ODAD2: variants seen among roughly 807,000 people sequenced by gnomAD.
The protein encoded by ODAD2 is outer dynein arm-docking complex subunit 2.
In ODAD2, 89 loss-of-function variants were observed where a neutral mutation model predicts 106.8. The ratio of observed to expected loss-of-function variants is 0.83; its 90% confidence interval spans 0.70 to 0.99. ODAD2 has a LOEUF of 0.99. ODAD2 is among the 50% of genes least tolerant of loss of function. The pLI is 0.00. For synonymous variants in ODAD2, 404 were observed against 436.2 expected (o/e 0.93, Z 0.92); for missense variants, 1,168 against 1,238.5 (o/e 0.94, Z 0.85).
At chr10:27,946,010 G>GTATATA (rs10684689) in intron 10 of ODAD2, among the ~76,000 whole-genome samples, 2 of 149,254 alleles carry the variant, frequency 1.3e-5, no homozygotes, top group African/African-American at 4.9e-5. Flanking sequence ...TATCTATTGT[G>GTATATA]TATATATATA....
At position 27,872,306 on chromosome 10, in the gene ODAD2, G is replaced by A. The variant is rs1333483186; in HGVS notation, c.2611-9684C>T. The stretch of plus-strand genomic sequence containing the variant: ...CACAATCATGTCATCTGCAAACAGG[G>A]ACAATTTGACTTCCTCTTTTCCTAA... On this transcript the variant is annotated intron_variant, in intron 17 of 19. Coordinates refer to ENST00000305242, the MANE Select transcript of ODAD2 (RefSeq NM_018076.5). 2.6e-5 allele frequency among the ~76,000 whole-genome samples: 4 copies of A among 151,920 alleles called. No individual in the cohort carries two copies. In the East Asian group the frequency reaches 7.7e-4, roughly 29 times the overall value.
chr10:27,999,486 G>T (rs1208362643), upstream of ODAD2, among the ~76,000 whole-genome samples: 6 of 152,102 alleles, frequency 3.9e-5, no homozygotes, highest in Admixed American at 3.9e-4. Flanking sequence ...GATACTCACC[G>T]GGAAAGCAGA....
chr10:27,866,950 C>A (rs953566533), intron 17 of ODAD2, among the ~76,000 whole-genome samples: 5 of 152,072 alleles, frequency 3.3e-5, no homozygotes, highest in Non-Finnish European at 7.3e-5. Context: ...TAGTCTCATA[C>A]ATTTGTCAAT....
intron 17 of ODAD2, among the ~76,000 whole-genome samples, chr10:27,899,421 T>C (rs567071021): frequency 1.3e-4 from 19 of 151,420 alleles, no homozygotes; most frequent in African/African-American, 4.4e-4. Context: ...TGCAGGAGTG[T>C]TTTTTTCATA....
At chr10:27,952,341 T>A (rs1847403792) in intron 10 of ODAD2, among the ~76,000 whole-genome samples, 2 of 151,890 alleles carry the variant, frequency 1.3e-5, no homozygotes, top group African/African-American at 4.8e-5. Flanking sequence ...TACACATCGA[T>A]GAGAATTTAC....
At chr10:27,979,626 T>C (rs1353659091) in intron 7 of ODAD2, among the ~76,000 whole-genome samples, 3 of 151,940 alleles carry the variant, frequency 2.0e-5, no homozygotes, top group Non-Finnish European at 2.9e-5. Flanking sequence ...TACAGTAGCA[T>C]CAAAAATAAT....
At chr10:27,963,229 G>A (rs550873565) in intron 9 of ODAD2, among the ~76,000 whole-genome samples, 2 of 152,002 alleles carry the variant, frequency 1.3e-5, no homozygotes, top group South Asian at 2.1e-4. Flanking sequence ...GGCTGGTCTC[G>A]AACTCTTGAC....
intron 19 of ODAD2, among the ~76,000 whole-genome samples, chr10:27,819,714 C>T (rs1406358665): frequency 6.6e-6 from 1 of 151,272 alleles, no homozygotes; most frequent in Non-Finnish European, 1.5e-5. Context: ...CTGCAGTGAG[C>T]TATGATTGCG....
chr10:27,973,768 C>T lies in ODAD2; in HGVS notation c.937-2455G>A, dbSNP rs144218843. 4.4e-3 allele frequency among the ~76,000 whole-genome samples: 671 copies of T among 151,992 alleles called. 7 individuals are homozygous for T. The highest frequency in any genetic ancestry group is 0.015 in the African/African-American group (636 of 41,482). ...ACATATGTGTGCATGTGTCTTTATG[C>T]GATGATTTATATTTCTCTGGGTATA... On this transcript the variant is annotated intron_variant, in intron 7 of 19. Transcript: ENST00000305242.
At chr10:27,814,427 T>C (rs1835970373) in intron 19 of ODAD2, among the ~76,000 whole-genome samples, 1 of 152,176 alleles carries the variant, frequency 6.6e-6, no homozygotes, top group Non-Finnish European at 1.5e-5. Flanking sequence ...TATATGAGAA[T>C]ATCTTGTTCA....
At chr10:27,964,794 A>T (rs1197756068) in intron 9 of ODAD2, among the ~76,000 whole-genome samples, 1 of 152,126 alleles carries the variant, frequency 6.6e-6, no homozygotes, top group African/African-American at 2.4e-5. Context: ...GTTTTCTTGT[A>T]GTGTCTTAGT....
intron 17 of ODAD2, among the ~76,000 whole-genome samples, chr10:27,892,636 C>T (rs1313112081): frequency 3.3e-5 from 5 of 152,146 alleles, no homozygotes; most frequent in Admixed American, 2.0e-4. Flanking sequence ...ACTAGTCTAC[C>T]AACAAAAAGG....
At chr10:27,886,080 A>G (rs1453236318) in intron 17 of ODAD2, among the ~76,000 whole-genome samples, 2 of 150,524 alleles carry the variant, frequency 1.3e-5, no homozygotes, top group Non-Finnish European at 3.0e-5. Flanking sequence ...ACAAACAAAA[A>G]GAATGTGAGA....
At chr10:27,930,172 T>C (rs1006293796) in intron 16 of ODAD2, among the ~76,000 whole-genome samples, 1 of 152,134 alleles carries the variant, frequency 6.6e-6, no homozygotes, top group Admixed American at 6.6e-5. Context: ...GTTCAATGAT[T>C]TTCCTATTTC....
At chr10:27,892,983 T>G (rs1456657863) in intron 17 of ODAD2, among the ~76,000 whole-genome samples, 2 of 152,140 alleles carry the variant, frequency 1.3e-5, no homozygotes, top group Admixed American at 6.5e-5. Flanking sequence ...ACCCTGTCTC[T>G]ACTAAAAGTA....
chr10:27,888,840 A>G (rs914590421), intron 17 of ODAD2, among the ~76,000 whole-genome samples: 3 of 152,202 alleles, frequency 2.0e-5, no homozygotes, highest in Non-Finnish European at 4.4e-5. Context: ...TGGGAAAACA[A>G]ATGGTGTTGG....
At chr10:27,841,034 T>C (rs1466533563) in intron 19 of ODAD2, among the ~76,000 whole-genome samples, 1 of 152,222 alleles carries the variant, frequency 6.6e-6, no homozygotes, top group Non-Finnish European at 1.5e-5. Context: ...TGATTGTTAT[T>C]CTTTTTAAAA....
intron 17 of ODAD2, among the ~76,000 whole-genome samples, chr10:27,868,353 C>T (rs932332833): frequency 6.6e-6 from 1 of 152,086 alleles, no homozygotes; most frequent in African/African-American, 2.4e-5. Flanking sequence ...GAATATAAAT[C>T]GTTCTATTAT....
At chr10:27,951,835 G>T (rs1220475231) in intron 10 of ODAD2, among the ~76,000 whole-genome samples, 1 of 151,918 alleles carries the variant, frequency 6.6e-6, no homozygotes, top group Non-Finnish European at 1.5e-5. Context: ...AGCACTTTGG[G>T]AGGCCAAGGC....
Sources: gnomAD v4.1 joint callset for allele counts (sites outside exome capture counted in the v4.1 genomes callset) on GRCh38, gnomAD v4.1.1 for gene constraint, MANE v1.5 for transcripts, NCBI Gene and HGNC (gene_info 2026-07-23, HGNC 2026-07-21) for gene names.